The following GPC6 variants were observed in gnomAD, a reference collection of about 807,000 sequenced individuals.
The protein encoded by GPC6 is glypican 6.
In GPC6, 14 loss-of-function variants were observed where a neutral mutation model predicts 55.2. That is an observed-to-expected ratio of 0.25 (90% CI 0.17 to 0.40). The LOEUF (loss-of-function observed/expected upper bound fraction) is 0.40, where lower values mean the gene tolerates loss of function less well. Ranked by LOEUF, GPC6 falls within the 10% of genes least tolerant of loss-of-function variation. The probability of loss-of-function intolerance (pLI) is 1.00; values close to 1 mark genes in which losing one functional copy is unlikely to be tolerated. For synonymous variants in GPC6, 278 were observed against 259.6 expected, an observed-to-expected ratio of 1.07 and a Z score of -0.68; for missense variants, 641 against 708.5, an observed-to-expected ratio of 0.90 and a Z score of 1.08.
chr13:94,372,917 A>G, intron 6 of GPC6, among the ~76,000 whole-genome samples: 1 of 152,170 alleles, frequency 6.6e-6, no homozygotes. Context: ...CTGACCCCCA[A>G]GCAGCCTAAC....
intron 1 of GPC6, among the ~76,000 whole-genome samples, chr13:93,235,853 G>T (rs1327364484): frequency 6.6e-6 from 1 of 151,994 alleles, no homozygotes; most frequent in Non-Finnish European, 1.5e-5. Context: ...GCAGAGTCTT[G>T]CAGGAGTGAG....
rs903568984 is a variant in GPC6 at position 93,406,124 on chromosome 13, T to C, written c.161-139139T>C. 2.0e-5 allele frequency among the ~76,000 whole-genome samples: 3 copies of C among 152,198 alleles called. No individual in the cohort carries two copies. In the East Asian group the frequency reaches 5.8e-4, roughly 29 times the overall value. ...TCAAAGGACAGCCCAAATTCAATGT[T>C]TGGTGAAGTAGACTCTGCCTCTTGG... On this transcript the variant is annotated intron_variant, in intron 1 of 8. Transcript: ENST00000377047.
At chr13:93,290,773 A>G (rs1469442468) in intron 1 of GPC6, among the ~76,000 whole-genome samples, 1 of 152,164 alleles carries the variant, frequency 6.6e-6, no homozygotes, top group Non-Finnish European at 1.5e-5. Context: ...TCTCATGATA[A>G]CTTTATCTCT....
At chr13:93,636,704 T>C (rs1879715173) in intron 2 of GPC6, among the ~76,000 whole-genome samples, 1 of 152,076 alleles carries the variant, frequency 6.6e-6, no homozygotes, top group Non-Finnish European at 1.5e-5. Context: ...AAGGAGACAG[T>C]GGAGGAGGGC....
At chr13:94,075,226 T>C (rs1884867705) in intron 4 of GPC6, among the ~76,000 whole-genome samples, 1 of 152,234 alleles carries the variant, frequency 6.6e-6, no homozygotes, top group African/African-American at 2.4e-5. Flanking sequence ...TGTGTATGTG[T>C]ATGTGCGTGT....
intron 1 of GPC6, among the ~76,000 whole-genome samples, chr13:93,542,337 T>C (rs1171492088): frequency 6.6e-6 from 1 of 152,204 alleles, no homozygotes; most frequent in African/African-American, 2.4e-5. Flanking sequence ...TAGTTGTAGA[T>C]ATGCGGCATT....
intron 3 of GPC6, among the ~76,000 whole-genome samples, chr13:93,898,728 T>A (rs1017211693): frequency 1.3e-4 from 20 of 151,758 alleles, no homozygotes; most frequent in African/African-American, 4.8e-4. Flanking sequence ...ATTGAATAAG[T>A]TGTGAAGAAA....
chr13:93,305,035 G>A (rs1878808883), intron 1 of GPC6, among the ~76,000 whole-genome samples: 1 of 152,130 alleles, frequency 6.6e-6, no homozygotes, highest in African/African-American at 2.4e-5. Flanking sequence ...CTTTCTGTTT[G>A]AAGTCATGCA....
intron 4 of GPC6, among the ~76,000 whole-genome samples, chr13:94,195,112 T>C (rs2138967834): frequency 6.6e-6 from 1 of 152,320 alleles, no homozygotes; most frequent in South Asian, 2.1e-4. Flanking sequence ...TATTTAAGTC[T>C]CTTTTGAACA....
At chr13:93,796,380 C>CT (rs966802442) in intron 2 of GPC6, among the ~76,000 whole-genome samples, 20 of 151,918 alleles carry the variant, frequency 1.3e-4, no homozygotes, top group South Asian at 4.2e-4. Flanking sequence ...AGAGAGTGGA[C>CT]TTTTTTTTAG....
intron 1 of GPC6, among the ~76,000 whole-genome samples, chr13:93,376,525 G>A (rs1209122519): frequency 6.6e-6 from 1 of 152,098 alleles, no homozygotes; most frequent in South Asian, 2.1e-4. Flanking sequence ...GAAGCCCTCT[G>A]TTTCGCTTTG....
intron 7 of GPC6, among the ~76,000 whole-genome samples, chr13:94,395,758 A>G (rs1020673126): frequency 1.3e-5 from 2 of 152,210 alleles, no homozygotes; most frequent in African/African-American, 4.8e-5. Context: ...TCAAGCAACA[A>G]CAGTAGAGCA....
chr13:93,301,018 T>C (rs1878659071), intron 1 of GPC6, among the ~76,000 whole-genome samples: 1 of 145,262 alleles, frequency 6.9e-6, no homozygotes, highest in African/African-American at 2.5e-5. Flanking sequence ...AAACTCCGTC[T>C]CAAAAAAAAA....
At chr13:93,764,050 C>G (rs1885036404) in intron 2 of GPC6, among the ~76,000 whole-genome samples, 1 of 152,096 alleles carries the variant, frequency 6.6e-6, no homozygotes, top group Admixed American at 6.6e-5. Flanking sequence ...ATAGGTACCT[C>G]CCTGCCAATC....
At chr13:94,401,206 C>T (rs530383421) in intron 8 of GPC6, among the ~76,000 whole-genome samples, 2 of 152,236 alleles carry the variant, frequency 1.3e-5, no homozygotes, top group South Asian at 4.2e-4. Context: ...TGCCAGGGGC[C>T]ACTGAAGACC....
At chr13:94,114,528 T>C (rs1338054926) in intron 4 of GPC6, among the ~76,000 whole-genome samples, 3 of 152,110 alleles carry the variant, frequency 2.0e-5, no homozygotes, top group African/African-American at 7.2e-5. Context: ...TCTATTAGGC[T>C]GGGAAGTTTG....
the GPC6 span, among the ~76,000 whole-genome samples, chr13:93,217,764 C>T: frequency 6.6e-6 from 1 of 152,152 alleles, no homozygotes; most frequent in Non-Finnish European, 1.5e-5. Flanking sequence ...CAATACTGTT[C>T]ATTACCACGA....
chr13:93,285,984 C>T (rs1469361425), intron 1 of GPC6, among the ~76,000 whole-genome samples: 5 of 151,932 alleles, frequency 3.3e-5, no homozygotes, highest in African/African-American at 9.7e-5. Flanking sequence ...CCTGGAACAC[C>T]GACAGGAAGT....
At chr13:93,939,613 A>G (rs905189450) in intron 3 of GPC6, among the ~76,000 whole-genome samples, 12 of 152,104 alleles carry the variant, frequency 7.9e-5, no homozygotes, top group African/African-American at 1.7e-4. Flanking sequence ...CAGAAAAGCA[A>G]TAACACTAAA....
Sources: gnomAD v4.1 joint callset for allele counts (sites outside exome capture counted in the v4.1 genomes callset) on GRCh38, gnomAD v4.1.1 for gene constraint, MANE v1.5 for transcripts, NCBI Gene and HGNC (gene_info 2026-07-23, HGNC 2026-07-21) for gene names.